The following KIAA1217 variants were observed in gnomAD, a reference collection of about 807,000 sequenced individuals.
KIAA1217 encodes sickle tail protein homolog.
In KIAA1217, 88 loss-of-function variants were observed where a neutral mutation model predicts 163.9. The ratio of observed to expected loss-of-function variants is 0.54; its 90% CI spans 0.45 to 0.64. The LOEUF is 0.64. Ranked by LOEUF, KIAA1217 falls within the 30% of genes least tolerant of loss-of-function variation. The probability of loss-of-function intolerance (pLI) is 0.00; values close to 1 mark genes in which losing one functional copy is unlikely to be tolerated. For synonymous variants in KIAA1217, 903 were observed against 923.1 expected, an observed-to-expected ratio of 0.98 and a Z score of 0.39; for missense variants, 2,372 against 2,475.0, an observed-to-expected ratio of 0.96 and a Z score of 0.88.
At chr10:24,176,155 T>C (rs1270285966) in intron 2 of KIAA1217, among the ~76,000 whole-genome samples, 1 of 152,184 alleles carries the variant, frequency 6.6e-6, no homozygotes, top group African/African-American at 2.4e-5. Flanking sequence ...TGATTGGTGC[T>C]TTTACAATCT....
intron 3 of KIAA1217, among the ~76,000 whole-genome samples, chr10:24,404,581 A>C (rs921608790): frequency 1.4e-5 from 2 of 148,096 alleles, no homozygotes; most frequent in Admixed American, 1.3e-4. Flanking sequence ...AAAAAAAAAA[A>C]AAAAAAAAAA....
chr10:23,977,457 C>T (rs1371900846), intron 1 of KIAA1217, among the ~76,000 whole-genome samples: 1 of 152,104 alleles, frequency 6.6e-6, no homozygotes, highest in Non-Finnish European at 1.5e-5. Context: ...AGAGTGAAGT[C>T]TTTGCTGATT....
In KIAA1217 at chr10:24,078,568, C is replaced by T. The variant is rs539363041; in HGVS notation, c.-171+71194C>T. Among the ~76,000 whole-genome samples the T allele has an allele frequency of 1.8e-4, 28 of 152,298 alleles. No individual in the cohort carries two copies. The South Asian group carries it at 2.7e-3, about 15-fold the overall frequency. On this transcript the variant is annotated intron_variant, in intron 2 of 18. Coordinates refer to the KIAA1217 transcript ENST00000376462. ...ATACTTGGGCCCTAATCTTGGCATTCTCTCCAAGCAGCTGTGTGACCATTC... is the reference window on the plus strand; with the variant it reads ...ATACTTGGGCCCTAATCTTGGCATTTTCTCCAAGCAGCTGTGTGACCATTC...
intron 2 of KIAA1217, among the ~76,000 whole-genome samples, chr10:24,166,736 T>G (rs1000930153): frequency 6.6e-6 from 1 of 151,978 alleles, no homozygotes; most frequent in African/African-American, 2.4e-5. Flanking sequence ...AATTAAAAAA[T>G]TAAAAAGTTT....
Position 24,431,141 on chromosome 10 carries a change from G to A in KIAA1217, c.554-1854G>A, listed in dbSNP as rs144579268. Among the ~76,000 whole-genome samples the A allele has an allele frequency of 1.9e-3, 293 of 152,250 alleles. 2 individuals carry two copies. Among genetic ancestry groups the A allele is most frequent in the Admixed American group, 3.3e-3 (51 of 15,286 alleles). On this transcript the variant is annotated intron_variant, in intron 3 of 20. Coordinates refer to ENST00000376454, the MANE Select transcript of KIAA1217 (RefSeq NM_019590.5). ...CCTTACTTCTTTGATGTATGCTTTT[G>A]TATCCCTTATTGTCACTTTAATGGA...
chr10:23,862,683 A>G (rs966892064), intron 1 of KIAA1217, among the ~76,000 whole-genome samples: 5 of 152,140 alleles, frequency 3.3e-5, no homozygotes, highest in Non-Finnish European at 5.9e-5. Context: ...AAAATTCCCA[A>G]TGAGGAGAGT....
chr10:24,169,876 A>T (rs2065542042), intron 2 of KIAA1217, among the ~76,000 whole-genome samples: 1 of 152,192 alleles, frequency 6.6e-6, no homozygotes, highest in South Asian at 2.1e-4. Flanking sequence ...AGTAAACAAC[A>T]ACAAAAAGAA....
chr10:23,921,582 G>T (rs949958241), intron 1 of KIAA1217, among the ~76,000 whole-genome samples: 2 of 152,136 alleles, frequency 1.3e-5, no homozygotes, highest in Non-Finnish European at 2.9e-5. Context: ...ATCAGTAGAA[G>T]GCTCAAATAG....
At chr10:23,920,333 C>G (rs1278616289) in intron 1 of KIAA1217, among the ~76,000 whole-genome samples, 1 of 152,150 alleles carries the variant, frequency 6.6e-6, no homozygotes, top group Non-Finnish European at 1.5e-5. Context: ...TGGTCATCCA[C>G]TTTTAGCTTC....
chr10:24,183,026 C>T lies in KIAA1217; in HGVS notation c.-170-36600C>T, dbSNP rs886266756. Among the ~76,000 whole-genome samples the T allele has an allele frequency of 6.6e-5, 10 of 152,148 alleles. 1 individual carries two copies. The highest frequency in any genetic ancestry group is 1.0e-4 in the Non-Finnish European group (7 of 68,034). ...GTGAAAGGCTTAGTGCCATTCTTGT[C>T]GTAGTGAATGAATTCTTGTTCTGAA... On this transcript the variant is annotated intron_variant, in intron 2 of 18. Coordinates refer to the KIAA1217 transcript ENST00000376462.
chr10:23,750,344 C>T (rs1223123934), intron 1 of KIAA1217, among the ~76,000 whole-genome samples: 1 of 152,192 alleles, frequency 6.6e-6, no homozygotes, highest in Admixed American at 6.5e-5. Flanking sequence ...CTCTTGCTGT[C>T]CTTCTCTCTA....
intron 10 of KIAA1217, among the ~76,000 whole-genome samples, chr10:24,519,649 G>T (rs2070770291): frequency 6.6e-6 from 1 of 152,162 alleles, no homozygotes; most frequent in Admixed American, 6.5e-5. Flanking sequence ...ACACCACAGC[G>T]AAGAATTACA....
At chr10:24,349,893 C>T (rs1486930024) in intron 2 of KIAA1217, among the ~76,000 whole-genome samples, 1 of 152,184 alleles carries the variant, frequency 6.6e-6, no homozygotes, top group Non-Finnish European at 1.5e-5. Context: ...AGCTTGTGTA[C>T]TCAGAATGCC....
At chr10:24,389,221 A>C (rs1427374277) in intron 3 of KIAA1217, among the ~76,000 whole-genome samples, 1 of 152,226 alleles carries the variant, frequency 6.6e-6, no homozygotes, top group Non-Finnish European at 1.5e-5. Context: ...CTATGTAGCC[A>C]TAAAAAAGGA....
intron 1 of KIAA1217, among the ~76,000 whole-genome samples, chr10:23,753,310 T>C (rs1308361056): frequency 2.6e-5 from 4 of 152,158 alleles, no homozygotes; most frequent in African/African-American, 9.7e-5. Flanking sequence ...TAGGAGACCA[T>C]TTGTAGCTCA....
chr10:23,768,362 A>G (rs1261900626), intron 1 of KIAA1217, among the ~76,000 whole-genome samples: 1 of 152,006 alleles, frequency 6.6e-6, no homozygotes, highest in Non-Finnish European at 1.5e-5. Flanking sequence ...CTGTGGAGAG[A>G]AAAAACTATT....
intron 9 of KIAA1217, among the ~76,000 whole-genome samples, chr10:24,505,942 G>A (rs917140877): frequency 1.7e-4 from 26 of 152,106 alleles, no homozygotes; most frequent in African/African-American, 5.1e-4. Context: ...CAATGGTCAC[G>A]GGAATGCGGA....
chr10:24,067,627 A>G (rs1184628286), intron 2 of KIAA1217, among the ~76,000 whole-genome samples: 1 of 152,198 alleles, frequency 6.6e-6, no homozygotes, highest in Non-Finnish European at 1.5e-5. Flanking sequence ...CCGTTCTCAG[A>G]TCTCAAGCTG....
intron 3 of KIAA1217, among the ~76,000 whole-genome samples, chr10:24,402,292 G>A (rs1375603031): frequency 6.6e-6 from 1 of 151,790 alleles, no homozygotes; most frequent in Admixed American, 6.6e-5. Flanking sequence ...GGATCACGAG[G>A]TCAGGAGGTC....
Sources: gnomAD v4.1 joint callset for allele counts (sites outside exome capture counted in the v4.1 genomes callset) on GRCh38, gnomAD v4.1.1 for gene constraint, MANE v1.5 for transcripts, NCBI Gene and HGNC (gene_info 2026-07-23, HGNC 2026-07-21) for gene names.